CCDC30: variants seen among roughly 807,000 people sequenced by gnomAD.
CCDC30 encodes coiled-coil domain containing 30, also known as coiled-coil domain-containing protein 30.
CCDC30 carries 70 observed loss-of-function variants against 100.2 expected under a neutral mutation model. The ratio of observed to expected loss-of-function variants is 0.70; its 90% confidence interval spans 0.58 to 0.85. The LOEUF is 0.85. CCDC30 is among the 40% of genes least tolerant of loss of function. The pLI is 0.00. For missense variants in CCDC30, 652 were observed against 771.2 expected (o/e 0.85, Z 1.83); for synonymous variants, 233 against 269.5 (o/e 0.86, Z 1.33).
Position 42,597,026 on chromosome 1 carries a change from G to C in CCDC30, c.1164+7543G>C, listed in dbSNP as rs1282605232. The stretch of plus-strand genomic sequence containing the variant: ...TGTAACAGAAATGAATACCTTGGTG[G>C]GCTTATTAATAGACTGCATACAACT... On this transcript the variant is annotated intron_variant, in intron 10 of 16. Transcript: ENST00000668663. Among the ~76,000 whole-genome samples the C allele has an allele frequency of 4.7e-5, 7 of 149,962 alleles. No individual in the cohort carries two copies. In the Admixed American group the frequency reaches 4.7e-4, roughly 10 times the overall value.
intron 10 of CCDC30, among the ~76,000 whole-genome samples, chr1:42,605,919 C>T (rs1342225436): frequency 2.6e-5 from 4 of 151,952 alleles, no homozygotes; most frequent in African/African-American, 9.7e-5. Flanking sequence ...TGTGTTGGTC[C>T]ACTTGTATGC....
chr1:42,484,982 C>T (rs1644026548), intron 3 of CCDC30, among the ~76,000 whole-genome samples: 1 of 151,982 alleles, frequency 6.6e-6, no homozygotes, highest in South Asian at 2.1e-4. Context: ...ATTAATAAAA[C>T]AATTTGAAAT....
At chr1:42,472,052 G>A (rs1056125622) in intron 1 of CCDC30, among the ~76,000 whole-genome samples, 16 of 152,064 alleles carry the variant, frequency 1.1e-4, no homozygotes, top group Non-Finnish European at 2.2e-4. Flanking sequence ...TCAGGAGTTC[G>A]AGACGAGCCT....
intron 6 of CCDC30, among the ~76,000 whole-genome samples, chr1:42,502,830 T>C (rs2763375): frequency 6.6e-6 from 1 of 152,350 alleles, no homozygotes; most frequent in Non-Finnish European, 1.5e-5. Flanking sequence ...CTTAGCATAA[T>C]GTTTTCAAAG....
At chr1:42,491,053 T>G (rs1644132244) in intron 4 of CCDC30, among the ~76,000 whole-genome samples, 1 of 152,210 alleles carries the variant, frequency 6.6e-6, no homozygotes, top group South Asian at 2.1e-4. Flanking sequence ...TAAAAAATTT[T>G]TAAATACGTT....
intron 15 of CCDC30, among the ~76,000 whole-genome samples, chr1:42,647,759 A>G (rs998114211): frequency 6.6e-6 from 1 of 152,228 alleles, no homozygotes; most frequent in African/African-American, 2.4e-5. Flanking sequence ...CTAGAAATCA[A>G]TAACAGGAAA....
intron 6 of CCDC30, among the ~76,000 whole-genome samples, chr1:42,554,392 C>G (rs1277359674): frequency 6.6e-6 from 1 of 151,742 alleles, no homozygotes; most frequent in East Asian, 1.9e-4. Context: ...ATTCTCCTGC[C>G]TCAGCCTCCC....
At chr1:42,520,166 C>T (rs112805368) in intron 6 of CCDC30, among the ~76,000 whole-genome samples, 2 of 150,876 alleles carry the variant, frequency 1.3e-5, no homozygotes, top group African/African-American at 2.4e-5. Context: ...TTTTGTTTTC[C>T]TTTTCTAGTT....
chr1:42,513,554 G>T (rs1184843385), intron 6 of CCDC30, among the ~76,000 whole-genome samples: 1 of 152,132 alleles, frequency 6.6e-6, no homozygotes, highest in Non-Finnish European at 1.5e-5. Flanking sequence ...ACAACTGCCG[G>T]CATTCACCTG....
chr1:42,626,019 A>G (rs925601418), intron 11 of CCDC30, among the ~76,000 whole-genome samples: 2 of 152,118 alleles, frequency 1.3e-5, no homozygotes, highest in Non-Finnish European at 2.9e-5. Context: ...CTCCCTTTAT[A>G]TATCTGGGTG....
chr1:42,470,684 G>T (rs973097876), intron 1 of CCDC30, among the ~76,000 whole-genome samples: 1 of 152,184 alleles, frequency 6.6e-6, no homozygotes, highest in Non-Finnish European at 1.5e-5. Flanking sequence ...ACATTATGCT[G>T]CATGAAATAA....
At chr1:42,572,834 G>A (rs1645760239) in intron 7 of CCDC30, among the ~76,000 whole-genome samples, 2 of 152,218 alleles carry the variant, frequency 1.3e-5, no homozygotes, top group African/African-American at 2.4e-5. Flanking sequence ...GGCCTGGCTG[G>A]CCTCGAACTC....
intron 6 of CCDC30, among the ~76,000 whole-genome samples, chr1:42,531,190 C>CCT (rs1644800233): frequency 6.6e-6 from 1 of 152,028 alleles, no homozygotes; most frequent in East Asian, 1.9e-4. Flanking sequence ...AGCACCTCAC[C>CCT]CTCTCTCTCT....
chr1:42,652,847 A>G (rs1648467291), intron 15 of CCDC30, among the ~76,000 whole-genome samples: 1 of 152,188 alleles, frequency 6.6e-6, no homozygotes, highest in African/African-American at 2.4e-5. Flanking sequence ...AAAGACAGAA[A>G]GTATATTAGT....
At chr1:42,494,281 C>T (rs1013459826) in intron 4 of CCDC30, among the ~76,000 whole-genome samples, 1 of 152,144 alleles carries the variant, frequency 6.6e-6, no homozygotes, top group African/African-American at 2.4e-5. Flanking sequence ...ATAAATGGTG[C>T]TGGGAAAACT....
intron 12 of CCDC30, among the ~76,000 whole-genome samples, chr1:42,640,504 A>G (rs1040306493): frequency 6.6e-6 from 1 of 152,230 alleles, no homozygotes; most frequent in Non-Finnish European, 1.5e-5. Flanking sequence ...AGCAGGTCAG[A>G]CTACCATTAG....
At chr1:42,654,106 A>G in exon 17 of CCDC30, 1 of 986,552 alleles carries the variant, frequency 1.0e-6, no homozygotes, top group East Asian at 2.5e-5. Context: ...TGACATTGAG[A>G]AGAGTTACCA....
intron 3 of CCDC30, among the ~76,000 whole-genome samples, chr1:42,489,552 G>T (rs961382603): frequency 1.3e-5 from 2 of 152,184 alleles, no homozygotes; most frequent in African/African-American, 4.8e-5. Flanking sequence ...ACTTCTGGGA[G>T]GTTCTTCATT....
intron 6 of CCDC30, chr1:42,536,815 G>A (rs1644914258): frequency 8.1e-6 from 4 of 495,226 alleles, no homozygotes; most frequent in African/African-American, 3.9e-5. Context: ...GTCAGTTCCT[G>A]GTGAGGGTTC....
Sources: allele counts gnomAD v4.1 joint callset (sites outside exome capture counted in the v4.1 genomes callset), GRCh38; gene constraint gnomAD v4.1.1; transcripts MANE v1.5; gene names NCBI Gene and HGNC (gene_info 2026-07-23, HGNC 2026-07-21).